Variants in USH2A observed in about 807,000 individuals in gnomAD.
The protein encoded by USH2A is usherin.
A neutral mutation model predicts 538.9 loss-of-function variants in USH2A; 443 were observed. That is an observed-to-expected ratio of 0.82 (90% CI 0.76 to 0.89). The LOEUF (loss-of-function observed/expected upper bound fraction) is 0.89, where lower values mean the gene tolerates loss of function less well. Among genes scored for constraint, USH2A ranks in the 40% least tolerant of loss-of-function variants. The pLI is 0.00. For missense variants in USH2A, 6,633 were observed against 6,324.8 expected, an observed-to-expected ratio of 1.05 and a Z score of -1.65; for synonymous variants, 2,413 against 2,273.5, an observed-to-expected ratio of 1.06 and a Z score of -1.75.
chr1:216,340,326 T>C (rs2038052691), intron 4 of USH2A, among the ~76,000 whole-genome samples: 1 of 151,316 alleles, frequency 6.6e-6, no homozygotes, highest in African/African-American at 2.4e-5. Flanking sequence ...GAATAATGAG[T>C]TCTGAAATTG....
At chr1:215,862,487 A>G (rs764901905) in intron 44 of USH2A, among the ~76,000 whole-genome samples, 22 of 152,156 alleles carry the variant, frequency 1.4e-4, no homozygotes, top group Non-Finnish European at 1.0e-4. Context: ...TGGGTGCAGC[A>G]CACCAACATG....
intron 30 of USH2A, among the ~76,000 whole-genome samples, chr1:216,063,539 A>G (rs552583745): frequency 6.6e-6 from 1 of 152,356 alleles, no homozygotes; most frequent in East Asian, 1.9e-4. Context: ...CAAAGAATTC[A>G]TAGTACACAT....
At position 215,671,364 on chromosome 1, in the gene USH2A, C is replaced by A. The variant is rs1180261158; in HGVS notation, c.13812-71G>T. On this transcript the variant is annotated intron_variant, in intron 63 of 71. Transcript: ENST00000307340. Reference sequence around the variant, plus strand: ...TTTCATGGGAAGAATCTTTAAAACACCAGGCCTTAAAAAAAAAAGACAAGC... The same window carrying A: ...TTTCATGGGAAGAATCTTTAAAACAACAGGCCTTAAAAAAAAAAGACAAGC... 2.3e-5 allele frequency: 34 copies of A among 1,466,842 alleles called. No individual in the cohort carries two copies. The Admixed American group carries it at 2.4e-4, about 10-fold the overall frequency. 90.9% of individuals were successfully genotyped at this position (1,466,842 alleles called of 1,614,324 possible).
rs1230747719 is a variant in USH2A, at chr1:215,675,757, G to T, written c.12295-141C>A. 5 of 1,497,206 alleles carry T rather than the reference G, an allele frequency of 3.3e-6. No homozygotes were observed. The African/African-American group carries it at 6.9e-5, about 21-fold the overall frequency. The allele number at this position is 1,497,206 out of a possible 1,614,324, so 92.7% of individuals were successfully genotyped here. A position where few individuals can be genotyped will look rare whatever the true frequency, so the allele number is the denominator to read the frequency against. ...GAAGAAGTATTCTGATATTAATTGG[G>T]GATATGTGATTTTTTTCAGTTAACA... On this transcript the variant is annotated intron_variant, in intron 62 of 71. Transcript: ENST00000307340.
At chr1:216,062,748 C>T (rs1236827296) in intron 30 of USH2A, among the ~76,000 whole-genome samples, 1 of 152,076 alleles carries the variant, frequency 6.6e-6, no homozygotes, top group African/African-American at 2.4e-5. Context: ...GTGTTCTGAA[C>T]TACTAAAATG....
At chr1:215,707,938 G>C (rs1027021515) in intron 61 of USH2A, among the ~76,000 whole-genome samples, 2 of 152,168 alleles carry the variant, frequency 1.3e-5, no homozygotes, top group Non-Finnish European at 2.9e-5. Flanking sequence ...TACTAGCTCT[G>C]TGTGCTAGAA....
At chr1:216,397,674 C>T (rs1033442750) in intron 3 of USH2A, among the ~76,000 whole-genome samples, 3 of 152,214 alleles carry the variant, frequency 2.0e-5, no homozygotes, top group African/African-American at 7.2e-5. Flanking sequence ...GACCCTGAAA[C>T]TTGCAGCAGT....
chr1:216,336,400 C>A (rs2037975352), intron 4 of USH2A, among the ~76,000 whole-genome samples: 1 of 151,008 alleles, frequency 6.6e-6, no homozygotes, highest in Non-Finnish European at 1.5e-5. Context: ...AGTTACCAGA[C>A]AGGGCAAATA....
chr1:216,156,284 C>CTTTTTTTTTCT (rs2033935272), intron 21 of USH2A, among the ~76,000 whole-genome samples: 1 of 102,588 alleles, frequency 9.7e-6, no homozygotes, highest in African/African-American at 3.9e-5. Flanking sequence ...TTCTTTCTTT[C>CTTTTTTTTTCT]TTTTTTTTTT....
Position 215,759,809 on chromosome 1 carries a change from A to G in USH2A, c.11082T>C (p.Asn3694=). The change falls in exon 57 of 72, where the codon AAT becomes AAC. Residue 3694 remains asparagine, a synonymous_variant. Coordinates refer to ENST00000307340, the MANE Select transcript of USH2A (RefSeq NM_206933.4). ...TCCAATATAATTCCACTGTTGTAGA[A>G]TTGATGATAATGTGTCGAGGTGTCA... ...VWVTPRHIII[N]STTVELYWSL... 5 of 1,614,026 alleles carry G rather than the reference A, an allele frequency of 3.1e-6. No individual in the cohort carries two copies. Among genetic ancestry groups the G allele is most frequent in the Non-Finnish European group, 4.2e-6 (5 of 1,179,916 alleles).
intron 34 of USH2A, among the ~76,000 whole-genome samples, chr1:215,994,609 A>T (rs1668091433): frequency 6.6e-6 from 1 of 152,094 alleles, no homozygotes; most frequent in Non-Finnish European, 1.5e-5. Flanking sequence ...TGAGCATGAA[A>T]ATTGCATTAA....
intron 46 of USH2A, among the ~76,000 whole-genome samples, chr1:215,840,671 C>T (rs1405641565): frequency 6.6e-6 from 1 of 152,140 alleles, no homozygotes; most frequent in Non-Finnish European, 1.5e-5. Context: ...GATCCAGAGT[C>T]AGAAAGCTGA....
rs1571922663 is a variant in USH2A, at chr1:215,639,204, T to C, written c.15003A>G (p.Glu5001=). 6.2e-7 allele frequency: 1 copy of C among 1,614,164 alleles called. No homozygotes were observed. Among genetic ancestry groups the C allele is most frequent in the Non-Finnish European group, 8.5e-7 (1 of 1,180,024 alleles). ...GGATCAACGGCGTCTTAACACTTCC[T>C]TCGTCAGTCGTGCAGATGACCTGGA... ...FFFQVICTTD[E]GSVKTPLIQY... The change falls in exon 69 of 72, where the codon GAA becomes GAG. Residue 5001 remains glutamate, a synonymous_variant. Coordinates refer to ENST00000307340, the MANE Select transcript of USH2A (RefSeq NM_206933.4).
intron 1 of USH2A, 69 bp downstream of exon 1, chr1:216,423,145 G>T (rs534688780): frequency 6.6e-6 from 1 of 152,230 alleles, no homozygotes; most frequent in South Asian, 2.1e-4. Context: ...ATATGACTAT[G>T]AATTTGTAGG....
chr1:215,947,534 T>C (rs1434583306), intron 37 of USH2A, among the ~76,000 whole-genome samples: 1 of 152,200 alleles, frequency 6.6e-6, no homozygotes, highest in Non-Finnish European at 1.5e-5. Context: ...GAAAACCTCA[T>C]TGTTCAAAGA....
At chr1:216,395,179 G>A (rs899598186) in intron 3 of USH2A, among the ~76,000 whole-genome samples, 2 of 151,962 alleles carry the variant, frequency 1.3e-5, no homozygotes, top group African/African-American at 4.8e-5. Flanking sequence ...TCTATCTTAA[G>A]CATATTTTTT....
intron 21 of USH2A, among the ~76,000 whole-genome samples, chr1:216,113,137 T>TAAAAAAAAAAA (rs71159901): frequency 7.8e-6 from 1 of 127,582 alleles, no homozygotes; most frequent in Non-Finnish European, 1.7e-5. Context: ...CTCCAAATGA[T>TAAAAAAAAAAA]AAAAAAAAAA....
intron 44 of USH2A, among the ~76,000 whole-genome samples, chr1:215,850,231 A>T (rs1663980342): frequency 6.6e-6 from 1 of 152,170 alleles, no homozygotes; most frequent in African/African-American, 2.4e-5. Context: ...GTTCTTTATT[A>T]CATATAAAAT....
Position 216,421,908 on chromosome 1 carries a change from C to T in USH2A, c.429G>A (p.Lys143=), listed in dbSNP as rs1271603061. 1.2e-6 allele frequency: 2 copies of T among 1,613,902 alleles called. No individual in the cohort carries two copies. Among genetic ancestry groups the T allele is most frequent in the Admixed American group, 1.7e-5 (1 of 59,968 alleles). The change falls in exon 2 of 72, where the codon AAG becomes AAA. Residue 143 remains lysine (K), a synonymous_variant. Transcript: ENST00000307340. ...CAGCTAAGGTAAATGATGCCATCAG[C>T]TTTGGAGAAGGAGGAGAAGAAAAGC... ...KSCFSSPPSP[K]LMASFTLAVW... is the part of the protein sequence containing the mutation.
Sources: allele counts gnomAD v4.1 joint callset (sites outside exome capture counted in the v4.1 genomes callset), GRCh38; gene constraint gnomAD v4.1.1; transcripts MANE v1.5; gene names NCBI Gene and HGNC (gene_info 2026-07-23, HGNC 2026-07-21).